The following DNAH9 variants were observed in gnomAD, a reference collection of about 807,000 sequenced individuals.
The protein encoded by DNAH9 is dynein axonemal heavy chain 9, also known as DNAH9 variant protein.
A neutral mutation model predicts 471.6 loss-of-function variants in DNAH9; 345 were observed. The ratio of observed to expected loss-of-function variants is 0.73; its 90% CI spans 0.67 to 0.80. DNAH9 has a LOEUF of 0.80. Ranked by LOEUF, DNAH9 falls within the 30% of genes least tolerant of loss-of-function variation. The probability of loss-of-function intolerance (pLI) is 0.00; values close to 1 mark genes in which losing one functional copy is unlikely to be tolerated. For synonymous variants in DNAH9, 2,093 were observed against 2,123.6 expected (o/e 0.99, Z 0.40); for missense variants, 5,407 against 5,609.2 (o/e 0.96, Z 1.15).
chr17:11,598,723 G>T lies in DNAH9; in HGVS notation c.225G>T (p.Arg75=). The change falls in exon 1 of 69, where the codon CGG becomes CGT. Residue 75 remains arginine (R), a synonymous_variant. Coordinates refer to ENST00000262442, the MANE Select transcript of DNAH9 (RefSeq NM_001372.4). ...GGCCGCGGCCGCTGCTGGTGGTGCG[G>T]CCCGGGCCCAGGGGCCTGGCAATAC... is the stretch of plus-strand genomic sequence containing the variant. ...AEGPRPLLVV[R]PGPRGLAIRP... is the part of the protein sequence containing the mutation. 7.2e-7 allele frequency: 1 copy of T among 1,388,360 alleles called. No individual in the cohort carries two copies. The highest frequency in any genetic ancestry group is 9.3e-7 in the Non-Finnish European group (1 of 1,078,708). The allele number at this position is 1,388,360 out of a possible 1,614,324, so 86.0% of individuals were successfully genotyped here. A position where few individuals can be genotyped will look rare whatever the true frequency, so the allele number is the denominator to read the frequency against.
intron 20 of DNAH9, among the ~76,000 whole-genome samples, chr17:11,691,314 C>T (rs947409273): frequency 1.5e-4 from 23 of 152,184 alleles, no homozygotes; most frequent in Non-Finnish European, 1.5e-5. Context: ...TTATTCATCT[C>T]AAATGCCAGT....
chr17:11,628,021 C>A (rs749389079), intron 6 of DNAH9, among the ~76,000 whole-genome samples: 1 of 152,146 alleles, frequency 6.6e-6, no homozygotes, highest in Non-Finnish European at 1.5e-5. Flanking sequence ...TTTACAGCAT[C>A]GGTGTCATGG....
intron 49 of DNAH9, 38 bp downstream of exon 49, chr17:11,834,936 G>T: frequency 6.3e-7 from 1 of 1,599,886 alleles, no homozygotes. Context: ...CATCCCTCAG[G>T]GGCTGGTAGA....
At chr17:11,902,097 T>C (rs58055131) in intron 59 of DNAH9, among the ~76,000 whole-genome samples, 1 of 152,062 alleles carries the variant, frequency 6.6e-6, no homozygotes, top group Admixed American at 6.5e-5. Context: ...TGGGAATGAG[T>C]CAGGCACATT....
intron 59 of DNAH9, among the ~76,000 whole-genome samples, chr17:11,898,222 T>C (rs1382762133): frequency 6.6e-6 from 1 of 152,062 alleles, no homozygotes; most frequent in African/African-American, 2.4e-5. Flanking sequence ...CCTCCCGGGT[T>C]CAAGCGATTC....
rs377343776 is a variant in DNAH9 at position 11,742,579 on chromosome 17, G to C, written c.6111+266G>C. Among the ~76,000 whole-genome samples the C allele has an allele frequency of 2.6e-4, 39 of 152,220 alleles. No homozygotes were observed. In the East Asian group the frequency reaches 7.6e-3, roughly 30 times the overall value. ...CATCACAGACACCAGCGTCCCATGA[G>C]AGACATTACAGTGGCCAATAAAAAC... On this transcript the variant is annotated intron_variant, in intron 30 of 68. Coordinates refer to ENST00000262442, the MANE Select transcript of DNAH9 (RefSeq NM_001372.4).
chr17:11,860,571 T>G (rs1031787572), intron 50 of DNAH9, among the ~76,000 whole-genome samples: 2 of 148,160 alleles, frequency 1.3e-5, no homozygotes, highest in African/African-American at 2.5e-5. Flanking sequence ...TTGTTTGTTG[T>G]TTTTTTTTTG....
intron 9 of DNAH9, among the ~76,000 whole-genome samples, chr17:11,639,716 ACACT>A (rs2073232207): frequency 6.6e-6 from 1 of 152,190 alleles, no homozygotes; most frequent in Non-Finnish European, 1.5e-5. Flanking sequence ...TTTTAAAAAA[ACACT>A]CAATTGTGGC....
At chr17:11,775,595 C>CTTTTTTTTT (rs71142246) in intron 38 of DNAH9, among the ~76,000 whole-genome samples, 1 of 61,002 alleles carries the variant, frequency 1.6e-5, no homozygotes, top group Non-Finnish European at 3.0e-5. Flanking sequence ...ATCAGATGTT[C>CTTTTTTTTT]TTTTTTTTTT....
At position 11,937,891 on chromosome 17, in the gene DNAH9, G is replaced by A. The variant is rs908272042; in HGVS notation, c.12660+369G>A. Among the ~76,000 whole-genome samples the A allele has an allele frequency of 6.6e-6, 1 of 152,184 alleles. No individual in the cohort carries two copies. Among genetic ancestry groups the A allele is most frequent in the African/African-American group, 2.4e-5 (1 of 41,450 alleles). Reference sequence around the variant, plus strand: ...ATCCCCTGGCAAACCAAGCAAGGATGGGTAAGGGGTTGCCCCTGAGCACCC... The same window carrying A: ...ATCCCCTGGCAAACCAAGCAAGGATAGGTAAGGGGTTGCCCCTGAGCACCC... On this transcript the variant is annotated intron_variant, in intron 66 of 68. Coordinates refer to ENST00000262442, the MANE Select transcript of DNAH9 (RefSeq NM_001372.4). This position sits in a 1 kb window ranked among gnomAD's most constrained non-coding sequence, Gnocchi z 4.1.
chr17:11,882,961 T>C (rs1972776226), intron 55 of DNAH9: 1 of 985,380 alleles, frequency 1.0e-6, no homozygotes, highest in Admixed American at 6.1e-5. Flanking sequence ...ACAGGAAGGT[T>C]GTTCTTCCCA....
intron 26 of DNAH9, among the ~76,000 whole-genome samples, chr17:11,718,654 A>G (rs772942584): frequency 1.1e-4 from 17 of 152,344 alleles, no homozygotes; most frequent in Non-Finnish European, 2.1e-4. Context: ...TTTGTGTTTT[A>G]TAAATAGTTT....
At chr17:11,939,227 G>A (rs1268596287) in intron 66 of DNAH9, among the ~76,000 whole-genome samples, 5 of 152,086 alleles carry the variant, frequency 3.3e-5, no homozygotes, top group Non-Finnish European at 7.4e-5. Flanking sequence ...ACTATTTGAT[G>A]TATAATTTGA....
chr17:11,674,405 G>A (rs2074018973), intron 17 of DNAH9, among the ~76,000 whole-genome samples: 1 of 152,018 alleles, frequency 6.6e-6, no homozygotes, highest in East Asian at 1.9e-4. Flanking sequence ...GGAGTGTAAT[G>A]GTATCTCACT....
chr17:11,814,448 C>G (rs1246402621), intron 45 of DNAH9, among the ~76,000 whole-genome samples: 2 of 152,144 alleles, frequency 1.3e-5, no homozygotes, highest in Non-Finnish European at 2.9e-5. Context: ...TAGGATTTTC[C>G]TTTTGCTTTC....
chr17:11,841,969 T>G (rs1218055811), intron 49 of DNAH9, among the ~76,000 whole-genome samples: 2 of 152,126 alleles, frequency 1.3e-5, no homozygotes, highest in African/African-American at 4.8e-5. Flanking sequence ...TTCTTTTTAT[T>G]TCCTTCCTTC....
intron 63 of DNAH9, among the ~76,000 whole-genome samples, chr17:11,930,762 C>CT: frequency 4.8e-5 from 1 of 20,884 alleles, no homozygotes. Context: ...GAGACTCCAT[C>CT]TCCAAAAAAA....
chr17:11,914,995 C>T (rs1973895680), intron 61 of DNAH9, among the ~76,000 whole-genome samples: 1 of 152,200 alleles, frequency 6.6e-6, no homozygotes, highest in Non-Finnish European at 1.5e-5. Flanking sequence ...CCACCACCCA[C>T]ACCACATTTA....
At position 11,854,238 on chromosome 17, in the gene DNAH9, C is replaced by T. The variant is rs769294525; in HGVS notation, c.9743C>T (p.Pro3248Leu). 65 of 1,614,078 alleles carry T rather than the reference C, an allele frequency of 4.0e-5. No homozygotes were observed. The highest frequency in any genetic ancestry group is 1.0e-4 in the Admixed American group (6 of 60,014). Residue 3248 changes from proline to leucine, a missense_variant, in exon 50 of 69, where the codon CCC becomes CTC. By Grantham distance (98) the Pro-to-Leu change is moderately conservative. Around this residue, in one of 3 missense-constraint regions of DNAH9, gnomAD observed 4,636 missense variants for 4,900.3 expected, o/e 0.95. Transcript: ENST00000262442. The stretch of plus-strand genomic sequence containing the variant: ...GCCATCAGGCCGTATCTGCAAGACC[C>T]CGAGTTCAATCCTGAGTTTGTGGCC... ...LKAIRPYLQD[P>L]EFNPEFVATK...
Sources: allele counts gnomAD v4.1 joint callset (sites outside exome capture counted in the v4.1 genomes callset), GRCh38; gene constraint gnomAD v4.1.1; regional missense constraint gnomAD v4.1.1; non-coding constraint Gnocchi (gnomAD v3.1); transcripts MANE v1.5; gene names NCBI Gene and HGNC (gene_info 2026-07-23, HGNC 2026-07-21).